Variants in KHDRBS2 observed in about 807,000 individuals in gnomAD.
The protein encoded by KHDRBS2 is KH domain-containing, RNA-binding, signal transduction-associated protein 2.
A neutral mutation model predicts 44.3 loss-of-function variants in KHDRBS2; 26 were observed. The ratio of observed to expected loss-of-function variants is 0.59; its 90% CI spans 0.43 to 0.81. KHDRBS2 has a LOEUF of 0.81. KHDRBS2 is among the 40% of genes least tolerant of loss of function. KHDRBS2 has a pLI of 0.00. For missense variants in KHDRBS2, 476 were observed against 433.1 expected (o/e 1.10, Z -0.88); for synonymous variants, 194 against 151.1 (o/e 1.28, Z -2.08).
rs186506528 is a variant in KHDRBS2 at position 61,736,158 on chromosome 6, C to G, written c.811-3394G>C. Among the ~76,000 whole-genome samples, 16 of 146,550 alleles carry G rather than the reference C, an allele frequency of 1.1e-4. No homozygotes were observed. The East Asian group carries it at 1.6e-3, about 15-fold the overall frequency. ...TGAGATTGAGTCTTCTCGGTTGGCA[C>G]AGTAAATTTACTTTTTTGTCCTATA... is the stretch of plus-strand genomic sequence containing the variant. On this transcript the variant is annotated intron_variant, in intron 6 of 8. Transcript: ENST00000281156.
intron 4 of KHDRBS2, among the ~76,000 whole-genome samples, chr6:61,960,413 G>A (rs1393186474): frequency 6.6e-6 from 1 of 151,986 alleles, no homozygotes; most frequent in Non-Finnish European, 1.5e-5. Context: ...AGCAACATAG[G>A]AAAAAATTGC....
chr6:61,784,708 T>C (rs1783513605), intron 6 of KHDRBS2, among the ~76,000 whole-genome samples: 1 of 152,184 alleles, frequency 6.6e-6, no homozygotes, highest in Non-Finnish European at 1.5e-5. Flanking sequence ...CTACAAATGA[T>C]AATTTCACAT....
At chr6:61,774,132 T>A (rs2127578180) in intron 6 of KHDRBS2, among the ~76,000 whole-genome samples, 1 of 152,212 alleles carries the variant, frequency 6.6e-6, no homozygotes, top group Non-Finnish European at 1.5e-5. Context: ...TGCAGGCTCT[T>A]TTTTGGTGCC....
At chr6:61,807,201 G>A (rs1258059240) in intron 6 of KHDRBS2, among the ~76,000 whole-genome samples, 1 of 152,030 alleles carries the variant, frequency 6.6e-6, no homozygotes, top group Non-Finnish European at 1.5e-5. Flanking sequence ...TGTGGAGAAA[G>A]GGAATGCTTA....
the KHDRBS2 span, among the ~76,000 whole-genome samples, chr6:61,658,888 A>T: frequency 2.6e-5 from 4 of 151,874 alleles, no homozygotes; most frequent in Non-Finnish European, 4.4e-5. Context: ...AAAAATTTCC[A>T]CACTTTTTAT....
intron 4 of KHDRBS2, among the ~76,000 whole-genome samples, chr6:61,932,422 T>C (rs1422112322): frequency 6.6e-6 from 1 of 152,170 alleles, no homozygotes; most frequent in Non-Finnish European, 1.5e-5. Flanking sequence ...AACATCTCTC[T>C]CTCCGCTAAC....
chr6:61,914,094 C>A (rs573772213), intron 4 of KHDRBS2, among the ~76,000 whole-genome samples: 1 of 152,000 alleles, frequency 6.6e-6, no homozygotes, highest in East Asian at 1.9e-4. Context: ...TAAAGTAGGA[C>A]TAGACTGGAA....
intron 6 of KHDRBS2, among the ~76,000 whole-genome samples, chr6:61,861,353 C>T (rs1211931861): frequency 6.6e-6 from 1 of 151,962 alleles, no homozygotes; most frequent in Non-Finnish European, 1.5e-5. Flanking sequence ...TTGGGTTTTA[C>T]ATTGAAGTCC....
chr6:61,633,709 G>A, the KHDRBS2 span, among the ~76,000 whole-genome samples: 1 of 151,910 alleles, frequency 6.6e-6, no homozygotes, highest in African/African-American at 2.4e-5. Flanking sequence ...ATCCACACAT[G>A]TTTGCCAAAT....
chr6:61,593,424 C>T, the KHDRBS2 span, among the ~76,000 whole-genome samples: 5 of 149,812 alleles, frequency 3.3e-5, no homozygotes, highest in Admixed American at 1.3e-4. Context: ...AATAAAATTT[C>T]ATTTTAAAAA....
chr6:62,265,929 G>A (rs16882876), intron 1 of KHDRBS2, among the ~76,000 whole-genome samples: 31,916 of 151,972 alleles, frequency 0.21, 4,320 homozygotes, highest in African/African-American at 0.39. Flanking sequence ...AATATGGCAG[G>A]CTGTTATCAG....
intron 3 of KHDRBS2, among the ~76,000 whole-genome samples, chr6:62,039,373 T>A (rs1024037042): frequency 4.0e-5 from 6 of 151,748 alleles, no homozygotes; most frequent in Non-Finnish European, 7.4e-5. Flanking sequence ...TTCATACAAT[T>A]TTGAATTTCA....
chr6:61,637,513 T>C, the KHDRBS2 span, among the ~76,000 whole-genome samples: 2 of 152,310 alleles, frequency 1.3e-5, no homozygotes, highest in African/African-American at 2.4e-5. Flanking sequence ...TGTGTCTTTA[T>C]AGCAGCATGA....
intron 1 of KHDRBS2, among the ~76,000 whole-genome samples, chr6:62,238,616 TAATA>T (rs1834083769): frequency 6.6e-6 from 1 of 151,646 alleles, no homozygotes; most frequent in Admixed American, 6.6e-5. Flanking sequence ...ACCCTTAAAA[TAATA>T]AATAATTCAG....
At chr6:61,555,988 G>A in the KHDRBS2 span, among the ~76,000 whole-genome samples, 1 of 152,204 alleles carries the variant, frequency 6.6e-6, no homozygotes, top group Non-Finnish European at 1.5e-5. Context: ...TGGGGTTCAT[G>A]CTCGTTTGCA....
intron 4 of KHDRBS2, among the ~76,000 whole-genome samples, chr6:61,949,840 A>G (rs576448192): frequency 6.6e-6 from 1 of 152,238 alleles, no homozygotes; most frequent in South Asian, 2.1e-4. Context: ...AAAAACATCC[A>G]TAAATTATTT....
chr6:61,599,887 C>T, the KHDRBS2 span, among the ~76,000 whole-genome samples: 111 of 152,182 alleles, frequency 7.3e-4, no homozygotes, highest in African/African-American at 2.5e-3. Context: ...GGTCACAAGC[C>T]AAGCTATCAG....
chr6:62,113,834 G>A (rs1427840349), intron 2 of KHDRBS2, among the ~76,000 whole-genome samples: 3 of 152,010 alleles, frequency 2.0e-5, no homozygotes, highest in African/African-American at 7.2e-5. Flanking sequence ...TGAATCTCAG[G>A]AGCTGACAAG....
chr6:61,742,564 T>A (rs1010828036), intron 6 of KHDRBS2, among the ~76,000 whole-genome samples: 2 of 152,064 alleles, frequency 1.3e-5, no homozygotes, highest in African/African-American at 4.8e-5. Flanking sequence ...GAACTTCTGA[T>A]AAAATAAGAA....
Sources: gnomAD v4.1 joint callset for allele counts (sites outside exome capture counted in the v4.1 genomes callset) on GRCh38, gnomAD v4.1.1 for gene constraint, MANE v1.5 for transcripts, NCBI Gene and HGNC (gene_info 2026-07-23, HGNC 2026-07-21) for gene names.